CHRM2: variants seen among roughly 807,000 people sequenced by gnomAD.
The protein encoded by CHRM2 is muscarinic acetylcholine receptor M2.
Under a neutral mutation model 25.0 loss-of-function variants are expected in CHRM2, and 8 were observed. That is an observed-to-expected ratio of 0.32 (90% CI 0.19 to 0.58). The LOEUF is 0.58. Ranked by LOEUF, CHRM2 falls within the 20% of genes least tolerant of loss-of-function variation. The probability of loss-of-function intolerance (pLI) is 0.88; values close to 1 mark genes in which losing one functional copy is unlikely to be tolerated. For missense variants in CHRM2, 440 were observed against 567.1 expected (o/e 0.78, Z 2.28); for synonymous variants, 202 against 205.7 (o/e 0.98, Z 0.15).
At position 136,952,577 on chromosome 7, in the gene CHRM2, AC is replaced by A. The variant is rs1211216212; in HGVS notation, c.-124-39609del. 4.6e-5 allele frequency among the ~76,000 whole-genome samples: 4 copies of A among 86,706 alleles called. 1 individual carries two copies. The highest frequency in any genetic ancestry group is 1.0e-4 in the Non-Finnish European group (4 of 38,548). The allele number at this position is 86,706 out of a possible 152,430, so 56.9% of individuals were successfully genotyped here. The stretch of plus-strand genomic sequence containing the variant: ...CTGCCTCTCAGACATCTTTTTTAAA[AC>A]TTTTTTTTTTAAGTTCAGGGGTACA... On this transcript the variant is annotated intron_variant, in intron 2 of 3. Coordinates refer to ENST00000680005, the MANE Select transcript of CHRM2 (RefSeq NM_001006630.2).
chr7:136,887,549 G>T (rs1174400812), intron 2 of CHRM2, among the ~76,000 whole-genome samples: 1 of 152,106 alleles, frequency 6.6e-6, no homozygotes, highest in Non-Finnish European at 1.5e-5. Flanking sequence ...AAAGTTAACT[G>T]GCACCTCACC....
intron 2 of CHRM2, among the ~76,000 whole-genome samples, chr7:136,949,645 G>A (rs1409508948): frequency 6.6e-6 from 1 of 151,696 alleles, no homozygotes; most frequent in Admixed American, 6.6e-5. Flanking sequence ...ATTCCCATCT[G>A]GCTCTGGAGG....
chr7:136,910,830 T>TGTGAGA (rs377403672), intron 2 of CHRM2, among the ~76,000 whole-genome samples: 21 of 149,718 alleles, frequency 1.4e-4, no homozygotes, highest in African/African-American at 2.2e-4. Flanking sequence ...TGTGTGTGTG[T>TGTGAGA]GAGAGAGAGA....
intron 2 of CHRM2, among the ~76,000 whole-genome samples, chr7:136,974,688 T>C (rs538911212): frequency 2.5e-4 from 38 of 152,316 alleles, no homozygotes; most frequent in African/African-American, 9.1e-4. Context: ...GCTTGGCAGC[T>C]GGGAAGATGT....
At chr7:136,989,235 T>C (rs991860784) in intron 2 of CHRM2, among the ~76,000 whole-genome samples, 1 of 152,158 alleles carries the variant, frequency 6.6e-6, no homozygotes, top group South Asian at 2.1e-4. Context: ...TTTGTTTTTA[T>C]AGTTTTAACT....
intron 3 of CHRM2, among the ~76,000 whole-genome samples, chr7:136,995,993 G>C (rs566317992): frequency 1.2e-3 from 183 of 151,856 alleles, no homozygotes; most frequent in African/African-American, 3.8e-3. Flanking sequence ...CAATGGAATA[G>C]AATGGAAAGC....
Position 136,938,092 on chromosome 7 carries a change from G to A in CHRM2, c.-124-54095G>A, listed in dbSNP as rs142194799. ...CAGGCATTTCTGGAGTTGGGAATTG[G>A]TCAGCTAGGGGAGATGAAGTTATGT... On this transcript the variant is annotated intron_variant, in intron 2 of 3. Transcript: ENST00000680005. Among the ~76,000 whole-genome samples the A allele has an allele frequency of 3.4e-3, 521 of 152,258 alleles. 4 individuals carry two copies. Among genetic ancestry groups the A allele is most frequent in the African/African-American group, 0.012 (503 of 41,548 alleles).
chr7:137,016,026 G>C lies in CHRM2; in HGVS notation c.1161G>C (p.Arg387Ser), dbSNP rs751960909. 6.2e-7 allele frequency: 1 copy of C among 1,612,886 alleles called. No homozygotes were observed. The highest frequency in any genetic ancestry group is 1.3e-5 in the African/African-American group (1 of 74,774). Residue 387 changes from arginine to serine, a missense_variant, in exon 4 of 4, where the codon AGG becomes AGC. Around this residue, in one of 5 missense-constraint regions of CHRM2, gnomAD observed 65 missense variants for 108.9 expected, o/e 0.60. Transcript: ENST00000680005. The part of the protein sequence containing the change: ...PPPSREKKVT[R>S]TILAILLAFI... ...CTTCCCGGGAAAAGAAAGTCACCAG[G>C]ACAATCTTGGCTATTCTGTTGGCTT...
At position 136,930,635 on chromosome 7, in the gene CHRM2, T is replaced by C. The variant is rs573886207; in HGVS notation, c.-125+61217T>C. ...AGAAAATGCCAGGCGCGGTGGCTCA[T>C]GCCTGTAATCCCAGCACTTTGGGAG... On this transcript the variant is annotated intron_variant, in intron 2 of 3. Coordinates refer to ENST00000680005, the MANE Select transcript of CHRM2 (RefSeq NM_001006630.2). Among the ~76,000 whole-genome samples, 83 of 151,340 alleles carry C rather than the reference T, an allele frequency of 5.5e-4. 1 individual carries two copies. Among genetic ancestry groups the C allele is most frequent in the East Asian group, 4.7e-3 (24 of 5,086 alleles).
chr7:136,943,540 G>C (rs1006262404), intron 2 of CHRM2, among the ~76,000 whole-genome samples: 1 of 152,094 alleles, frequency 6.6e-6, no homozygotes, highest in Non-Finnish European at 1.5e-5. Context: ...ATGATACATG[G>C]TGTTCCTATT....
In CHRM2 at chr7:136,896,250, A is replaced by G. The variant is rs34542400; in HGVS notation, c.-125+26832A>G. Reference sequence around the variant, plus strand: ...AAAAATCTTTGAGATGAAGTTCATCAGAGGCATTTGGAAAGTCAGTATCAG... The same window carrying G: ...AAAAATCTTTGAGATGAAGTTCATCGGAGGCATTTGGAAAGTCAGTATCAG... On this transcript the variant is annotated intron_variant, in intron 2 of 3. Coordinates refer to ENST00000680005, the MANE Select transcript of CHRM2 (RefSeq NM_001006630.2). 2.5e-3 allele frequency among the ~76,000 whole-genome samples: 381 copies of G among 152,314 alleles called. 1 individual carries two copies. The highest frequency in any genetic ancestry group is 4.0e-3 in the Non-Finnish European group (275 of 68,018).
At chr7:136,910,738 A>C (rs1347999230) in intron 2 of CHRM2, among the ~76,000 whole-genome samples, 4 of 151,176 alleles carry the variant, frequency 2.6e-5, no homozygotes, top group African/African-American at 9.7e-5. Flanking sequence ...TTTGTTAGTG[A>C]TGAGTAGTTT....
At chr7:136,879,469 G>T (rs557429371) in intron 2 of CHRM2, among the ~76,000 whole-genome samples, 1 of 151,872 alleles carries the variant, frequency 6.6e-6, no homozygotes, top group Non-Finnish European at 1.5e-5. Flanking sequence ...CCATTTATTT[G>T]CATGCCCCCA....
At chr7:136,949,005 A>G (rs557029852) in intron 2 of CHRM2, among the ~76,000 whole-genome samples, 6 of 152,328 alleles carry the variant, frequency 3.9e-5, no homozygotes, top group African/African-American at 1.4e-4. Context: ...AAGGACATCA[A>G]GAACAAACAG....
intron 2 of CHRM2, among the ~76,000 whole-genome samples, chr7:136,953,401 G>C (rs1417633000): frequency 6.6e-6 from 1 of 152,258 alleles, no homozygotes; most frequent in East Asian, 1.9e-4. Flanking sequence ...TAAGTGTATA[G>C]ATAGATTTTT....
intron 2 of CHRM2, among the ~76,000 whole-genome samples, chr7:136,878,904 C>T (rs1796152320): frequency 6.6e-6 from 1 of 151,680 alleles, no homozygotes. Flanking sequence ...TATTTGGCAT[C>T]TAATTCTGAT....
intron 2 of CHRM2, among the ~76,000 whole-genome samples, chr7:136,977,618 G>A (rs1290417592): frequency 2.0e-5 from 3 of 152,198 alleles, no homozygotes; most frequent in African/African-American, 7.2e-5. Context: ...GCTACGACTT[G>A]AATGGTCTTA....
rs1157026067 is a variant in CHRM2, at chr7:136,983,077, C to T, written c.-124-9110C>T. Among the ~76,000 whole-genome samples, 5 of 152,156 alleles carry T rather than the reference C, an allele frequency of 3.3e-5. No homozygotes were observed. The East Asian group carries it at 5.8e-4, about 18-fold the overall frequency. On this transcript the variant is annotated intron_variant, in intron 2 of 3. Transcript: ENST00000680005. ...GTTCTCCCCATCACTTTTAGGTACA[C>T]CAATCAAACGTAGGTTTGGTCTTTT... is the stretch of plus-strand genomic sequence containing the variant.
At chr7:136,995,474 C>T (rs1803532890) in intron 3 of CHRM2, among the ~76,000 whole-genome samples, 1 of 151,962 alleles carries the variant, frequency 6.6e-6, no homozygotes, top group South Asian at 2.1e-4. Context: ...ATAACAATTC[C>T]ACAAGGGGCT....
Sources: allele counts gnomAD v4.1 joint callset (sites outside exome capture counted in the v4.1 genomes callset), GRCh38; gene constraint gnomAD v4.1.1; regional missense constraint gnomAD v4.1.1; transcripts MANE v1.5; gene names NCBI Gene and HGNC (gene_info 2026-07-23, HGNC 2026-07-21).